GRM8: variants seen among roughly 807,000 people sequenced by gnomAD.
GRM8 encodes the protein metabotropic glutamate receptor 8.
GRM8 carries 47 observed loss-of-function variants against 87.2 expected under a neutral mutation model. The ratio of observed to expected loss-of-function variants is 0.54; its 90% CI spans 0.43 to 0.69. The LOEUF is 0.69. Ranked by LOEUF, GRM8 falls within the 30% of genes least tolerant of loss-of-function variation. The pLI is 0.00. For synonymous variants in GRM8, 396 were observed against 404.5 expected (o/e 0.98, Z 0.25); for missense variants, 1,019 against 1,139.2 (o/e 0.89, Z 1.52).
intron 3 of GRM8, among the ~76,000 whole-genome samples, chr7:126,987,277 G>T (rs1430098655): frequency 6.6e-6 from 1 of 152,098 alleles, no homozygotes; most frequent in Non-Finnish European, 1.5e-5. Flanking sequence ...TCACTATGTG[G>T]CTGCTCCCAC....
At chr7:126,791,979 G>T (rs1821389561) in intron 6 of GRM8, among the ~76,000 whole-genome samples, 1 of 151,986 alleles carries the variant, frequency 6.6e-6, no homozygotes. Flanking sequence ...AGGAGTGCCT[G>T]GTATTTGGAA....
chr7:127,202,266 C>CT (rs1171647822), intron 2 of GRM8, among the ~76,000 whole-genome samples: 1 of 151,876 alleles, frequency 6.6e-6, no homozygotes, highest in African/African-American at 2.4e-5. Flanking sequence ...TATGATCTGC[C>CT]TCTCAGGCTC....
At chr7:127,189,741 C>G (rs986770196) in intron 2 of GRM8, among the ~76,000 whole-genome samples, 14 of 152,168 alleles carry the variant, frequency 9.2e-5, no homozygotes, top group Admixed American at 3.3e-4. Context: ...CTGAGCCTTA[C>G]AGGGTTAAAA....
intron 9 of GRM8, among the ~76,000 whole-genome samples, chr7:126,510,911 C>A (rs1352304198): frequency 6.6e-6 from 1 of 152,042 alleles, no homozygotes; most frequent in African/African-American, 2.4e-5. Flanking sequence ...TGAGGGCTTG[C>A]AATAGAGCTA....
At chr7:127,108,672 A>T (rs1048442998) in intron 2 of GRM8, among the ~76,000 whole-genome samples, 2 of 152,202 alleles carry the variant, frequency 1.3e-5, no homozygotes, top group Non-Finnish European at 2.9e-5. Context: ...TAATTATCTC[A>T]AATTACTACC....
chr7:126,628,816 A>G (rs963126807), intron 7 of GRM8, among the ~76,000 whole-genome samples: 1 of 152,114 alleles, frequency 6.6e-6, no homozygotes, highest in African/African-American at 2.4e-5. Flanking sequence ...ATTTTTAAAT[A>G]ACTAACTAAA....
At chr7:127,217,325 C>G (rs1796618367) in intron 2 of GRM8, among the ~76,000 whole-genome samples, 1 of 152,160 alleles carries the variant, frequency 6.6e-6, no homozygotes, top group Admixed American at 6.5e-5. Flanking sequence ...GGGAAACTGT[C>G]CTTGAAAAGG....
chr7:127,222,111 C>T (rs943772437), intron 2 of GRM8, among the ~76,000 whole-genome samples: 1 of 152,208 alleles, frequency 6.6e-6, no homozygotes, highest in Admixed American at 6.5e-5. Context: ...GTTTTCATTA[C>T]AGCATTAACA....
intron 3 of GRM8, among the ~76,000 whole-genome samples, chr7:127,041,411 T>A (rs959614848): frequency 6.6e-6 from 1 of 152,260 alleles, no homozygotes; most frequent in African/African-American, 2.4e-5. Context: ...ATCAGTGTCT[T>A]CCTTGTACTT....
At chr7:126,461,092 A>G (rs1293420944) in intron 9 of GRM8, among the ~76,000 whole-genome samples, 1 of 151,410 alleles carries the variant, frequency 6.6e-6, no homozygotes, top group African/African-American at 2.4e-5. Context: ...GCCCCCACCC[A>G]GATCAACTGG....
At chr7:127,055,433 G>A (rs547400496) in intron 3 of GRM8, among the ~76,000 whole-genome samples, 1 of 152,264 alleles carries the variant, frequency 6.6e-6, no homozygotes, top group East Asian at 1.9e-4. Context: ...GTTGGGTAGA[G>A]GGACAAAAGG....
At chr7:126,638,813 C>T (rs75396992) in intron 7 of GRM8, among the ~76,000 whole-genome samples, 19,714 of 152,192 alleles carry the variant, frequency 0.13, 1,685 homozygotes, top group Non-Finnish European at 0.17. Context: ...CATTCTCTCC[C>T]TGAATATACT....
chr7:127,004,950 TA>T (rs1814117768), intron 3 of GRM8, among the ~76,000 whole-genome samples: 1 of 151,644 alleles, frequency 6.6e-6, no homozygotes, highest in African/African-American at 2.4e-5. Flanking sequence ...GATACTATTT[TA>T]TCACTTTCTT....
chr7:126,959,326 G>T (rs1242620979), intron 3 of GRM8, among the ~76,000 whole-genome samples: 2 of 152,334 alleles, frequency 1.3e-5, no homozygotes, highest in South Asian at 2.1e-4. Flanking sequence ...AAGTCCCCGA[G>T]CTAAAGCCAC....
rs138505873 is a variant in GRM8, at chr7:126,463,896, C to T, written c.2431-17524G>A. ...GAATATCTAAGAAAAAAAATAACTACAAATTTGTCTTCATTTAAATATAGT... is the reference window on the plus strand; with the variant it reads ...GAATATCTAAGAAAAAAAATAACTATAAATTTGTCTTCATTTAAATATAGT... On this transcript the variant is annotated intron_variant, in intron 9 of 10. Transcript: ENST00000339582. 2.5e-3 allele frequency among the ~76,000 whole-genome samples: 384 copies of T among 151,754 alleles called. 4 individuals are homozygous for T. The highest frequency in any genetic ancestry group is 8.9e-3 in the African/African-American group (368 of 41,490).
intron 7 of GRM8, among the ~76,000 whole-genome samples, chr7:126,612,498 T>G (rs1329791763): frequency 6.6e-6 from 1 of 152,158 alleles, no homozygotes; most frequent in Non-Finnish European, 1.5e-5. Context: ...ACTCCAACCC[T>G]GGGGAAGGTG....
chr7:126,540,901 T>A (rs1816457022), intron 8 of GRM8, among the ~76,000 whole-genome samples: 1 of 152,212 alleles, frequency 6.6e-6, no homozygotes, highest in Non-Finnish European at 1.5e-5. Flanking sequence ...TTGAAAGAGA[T>A]CATTTTTGGC....
chr7:126,699,934 A>G (rs1170748158), intron 7 of GRM8, among the ~76,000 whole-genome samples: 1 of 152,172 alleles, frequency 6.6e-6, no homozygotes, highest in Non-Finnish European at 1.5e-5. Flanking sequence ...TGATGGATAA[A>G]CTGATTTTTT....
chr7:126,515,438 A>T lies in GRM8; in HGVS notation c.2430+17514T>A, dbSNP rs540389217. ...AGTCATCTAAATCAATAATGTACACAGTATTTACTTACTGTATAAGTTTCC... is the reference window on the plus strand; with the variant it reads ...AGTCATCTAAATCAATAATGTACACTGTATTTACTTACTGTATAAGTTTCC... On this transcript the variant is annotated intron_variant, in intron 9 of 10. Coordinates refer to ENST00000339582, the MANE Select transcript of GRM8 (RefSeq NM_000845.3). Among the ~76,000 whole-genome samples the T allele has an allele frequency of 2.0e-5, 3 of 152,264 alleles. No homozygotes were observed. The South Asian group carries it at 6.2e-4, about 31-fold the overall frequency.
Sources: gnomAD v4.1 joint callset for allele counts (sites outside exome capture counted in the v4.1 genomes callset) on GRCh38, gnomAD v4.1.1 for gene constraint, MANE v1.5 for transcripts, NCBI Gene and HGNC (gene_info 2026-07-23, HGNC 2026-07-21) for gene names.